Variants in RAP1A observed in about 807,000 individuals in gnomAD.
The protein encoded by RAP1A is RAP1A, member of RAS oncogene family.
Under a neutral mutation model 26.4 loss-of-function variants are expected in RAP1A, and 6 were observed. That is an observed-to-expected ratio of 0.23 (90% CI 0.12 to 0.45). The LOEUF is 0.45. RAP1A is among the 20% of genes least tolerant of loss of function. The probability of loss-of-function intolerance (pLI) is 0.99; values close to 1 mark genes in which losing one functional copy is unlikely to be tolerated. For synonymous variants in RAP1A, 73 were observed against 79.4 expected (o/e 0.92, Z 0.43); for missense variants, 121 against 217.2 (o/e 0.56, Z 2.78).
intron 1 of RAP1A, among the ~76,000 whole-genome samples, chr1:111,546,784 C>T (rs1657049052): frequency 6.6e-6 from 1 of 152,064 alleles, no homozygotes; most frequent in East Asian, 1.9e-4. Context: ...TAGATATATA[C>T]CCAGAAATAG....
At chr1:111,688,397 G>T (rs965508083) in intron 1 of RAP1A, among the ~76,000 whole-genome samples, 60 of 148,094 alleles carry the variant, frequency 4.1e-4, no homozygotes, top group Non-Finnish European at 7.3e-4. Flanking sequence ...TCGGCTCACT[G>T]TAAGCACTGC....
intron 1 of RAP1A, among the ~76,000 whole-genome samples, chr1:111,591,786 T>A (rs752627942): frequency 2.4e-4 from 37 of 152,362 alleles, no homozygotes; most frequent in Non-Finnish European, 4.6e-4. Flanking sequence ...ACCTTTTTTG[T>A]ATTTCCCATT....
chr1:111,708,039 C>T (rs190111078), intron 6 of RAP1A, among the ~76,000 whole-genome samples: 8 of 152,084 alleles, frequency 5.3e-5, no homozygotes, highest in East Asian at 3.9e-4. Flanking sequence ...AGCTGGGTGT[C>T]GTGGTGCACG....
chr1:111,667,720 G>A (rs985398833), intron 1 of RAP1A, among the ~76,000 whole-genome samples: 5 of 151,766 alleles, frequency 3.3e-5, no homozygotes, highest in Non-Finnish European at 5.9e-5. Context: ...ACTTCTCACT[G>A]TGAAGAAGTG....
intron 1 of RAP1A, among the ~76,000 whole-genome samples, chr1:111,653,808 G>T (rs79456880): frequency 6.6e-6 from 1 of 151,406 alleles, no homozygotes; most frequent in African/African-American, 2.4e-5. Flanking sequence ...GGAGAGAAAA[G>T]AAGACTGTGG....
At chr1:111,629,294 G>A (rs921800330) in intron 1 of RAP1A, among the ~76,000 whole-genome samples, 8 of 152,100 alleles carry the variant, frequency 5.3e-5, no homozygotes, top group Admixed American at 2.0e-4. Context: ...ATTAAAAAAA[G>A]AGAGTTTGCA....
At chr1:111,658,034 G>T (rs895673040) in intron 1 of RAP1A, among the ~76,000 whole-genome samples, 13 of 151,996 alleles carry the variant, frequency 8.6e-5, no homozygotes, top group Non-Finnish European at 1.9e-4. Flanking sequence ...TTATAATTTA[G>T]AATATGGTCT....
At chr1:111,668,317 C>T (rs898324763) in intron 1 of RAP1A, among the ~76,000 whole-genome samples, 1 of 152,232 alleles carries the variant, frequency 6.6e-6, no homozygotes, top group Admixed American at 6.5e-5. Flanking sequence ...TAACAGACAA[C>T]TGAATTGGAC....
intron 1 of RAP1A, among the ~76,000 whole-genome samples, chr1:111,597,231 A>G (rs1291938338): frequency 2.0e-5 from 3 of 152,168 alleles, no homozygotes; most frequent in Non-Finnish European, 4.4e-5. Flanking sequence ...GGAGTGAAGA[A>G]AAACTTTATT....
At chr1:111,662,433 G>GTT (rs1660670941) in intron 1 of RAP1A, among the ~76,000 whole-genome samples, 1 of 150,896 alleles carries the variant, frequency 6.6e-6, no homozygotes, top group East Asian at 1.9e-4. Flanking sequence ...CTTGATCAGG[G>GTT]CTAAGATTGT....
chr1:111,695,210 T>TA (rs1571568151), intron 2 of RAP1A, 131 bp from the exon 3 acceptor site: 14 of 464,918 alleles, frequency 3.0e-5, no homozygotes, highest in East Asian at 2.6e-4. Flanking sequence ...GAATTAATAA[T>TA]ATACTTTACA....
chr1:111,636,853 T>C (rs1036144802), intron 1 of RAP1A, among the ~76,000 whole-genome samples: 3 of 152,354 alleles, frequency 2.0e-5, no homozygotes, highest in Admixed American at 6.5e-5. Flanking sequence ...TAGGCTCTTA[T>C]ATTATTTCTA....
intron 1 of RAP1A, among the ~76,000 whole-genome samples, chr1:111,607,906 G>A (rs1354922843): frequency 1.5e-5 from 2 of 135,782 alleles, no homozygotes; most frequent in African/African-American, 5.6e-5. Context: ...GCGGCTGGCC[G>A]GGCAGAGGGG....
chr1:111,579,689 C>T (rs1202786059), intron 1 of RAP1A, among the ~76,000 whole-genome samples: 1 of 152,170 alleles, frequency 6.6e-6, no homozygotes, highest in Non-Finnish European at 1.5e-5. Flanking sequence ...CATAGCTTAG[C>T]CTAGCCTACC....
chr1:111,607,124 A>C (rs1039062579), intron 1 of RAP1A, among the ~76,000 whole-genome samples: 61 of 150,666 alleles, frequency 4.0e-4, no homozygotes, highest in Admixed American at 1.8e-3. Flanking sequence ...GCAGATAAAC[A>C]AGTGAACAAA....
At chr1:111,613,345 G>A (rs925176501) in intron 1 of RAP1A, among the ~76,000 whole-genome samples, 5 of 151,906 alleles carry the variant, frequency 3.3e-5, no homozygotes, top group African/African-American at 7.3e-5. Flanking sequence ...GACTACAGGC[G>A]CCCGCCACCA....
chr1:111,707,551 C>A (rs1662233651), intron 6 of RAP1A, among the ~76,000 whole-genome samples: 1 of 152,110 alleles, frequency 6.6e-6, no homozygotes, highest in Non-Finnish European at 1.5e-5. Context: ...TGATTAGAAT[C>A]CTAAAAATTG....
At chr1:111,557,091 A>T (rs1422250373) in intron 1 of RAP1A, among the ~76,000 whole-genome samples, 1 of 152,128 alleles carries the variant, frequency 6.6e-6, no homozygotes, top group Non-Finnish European at 1.5e-5. Flanking sequence ...AGATCTACAA[A>T]GAGAAATGTT....
intron 1 of RAP1A, among the ~76,000 whole-genome samples, chr1:111,545,246 G>T (rs1038303760): frequency 2.0e-5 from 3 of 152,078 alleles, no homozygotes; most frequent in Non-Finnish European, 2.9e-5. Flanking sequence ...CACCGGCAAT[G>T]TATGAGGATT....
Sources: gnomAD v4.1 joint callset for allele counts (sites outside exome capture counted in the v4.1 genomes callset) on GRCh38, gnomAD v4.1.1 for gene constraint, MANE v1.5 for transcripts, NCBI Gene and HGNC (gene_info 2026-07-23, HGNC 2026-07-21) for gene names.